Variants in FNDC3B observed in about 807,000 individuals in gnomAD.
The protein encoded by FNDC3B is fibronectin type III domain-containing protein 3B.
A neutral mutation model predicts 151.5 loss-of-function variants in FNDC3B; 12 were observed. The observed-to-expected ratio is 0.08, with a 90% CI of 0.05 to 0.13. The LOEUF (loss-of-function observed/expected upper bound fraction) is 0.13. Ranked by LOEUF, FNDC3B falls within the 10% of genes least tolerant of loss-of-function variation. The probability of loss-of-function intolerance (pLI) is 1.00; values close to 1 mark genes in which losing one functional copy is unlikely to be tolerated. For missense variants in FNDC3B, 1,214 were observed against 1,505.3 expected (o/e 0.81, Z 3.20); for synonymous variants, 528 against 549.0 (o/e 0.96, Z 0.54).
intron 24 of FNDC3B, among the ~76,000 whole-genome samples, chr3:172,379,770 G>T (rs888687562): frequency 6.6e-6 from 1 of 152,114 alleles, no homozygotes; most frequent in African/African-American, 2.4e-5. Flanking sequence ...CACTTCAGGG[G>T]TCTTTCTAGA....
At chr3:172,285,025 CT>C (rs1219501798) in intron 6 of FNDC3B, among the ~76,000 whole-genome samples, 1 of 152,008 alleles carries the variant, frequency 6.6e-6, no homozygotes, top group African/African-American at 2.4e-5. Context: ...TCCTTCCCCC[CT>C]CGTACTCTCT....
At chr3:172,319,952 GC>G (rs1392246192) in intron 11 of FNDC3B, among the ~76,000 whole-genome samples, 2 of 152,134 alleles carry the variant, frequency 1.3e-5, no homozygotes, top group East Asian at 3.9e-4. Context: ...GAATCCTTCA[GC>G]CCATGTCTGG....
At chr3:172,349,141 C>T (rs552420983) in intron 21 of FNDC3B, among the ~76,000 whole-genome samples, 22 of 150,890 alleles carry the variant, frequency 1.5e-4, no homozygotes, top group African/African-American at 4.4e-4. Context: ...AAAAAAAATA[C>T]AAAAATTAGC....
intron 21 of FNDC3B, 76 bp downstream of exon 21, chr3:172,347,437 G>C (rs1733667048): frequency 7.6e-6 from 9 of 1,183,794 alleles, no homozygotes; most frequent in Non-Finnish European, 1.0e-5. Flanking sequence ...CCCACTCAAA[G>C]GCTTGTGGTG....
chr3:172,174,582 T>G (rs73023564), intron 3 of FNDC3B, among the ~76,000 whole-genome samples: 4,555 of 152,238 alleles, frequency 0.03, 130 homozygotes, highest in African/African-American at 0.07. Flanking sequence ...ATCTTTGAAT[T>G]TGAAAGACTT....
At chr3:172,316,027 G>A (rs1214952903) in intron 11 of FNDC3B, among the ~76,000 whole-genome samples, 1 of 77,170 alleles carries the variant, frequency 1.3e-5, no homozygotes, top group Admixed American at 1.7e-4. Flanking sequence ...TTTTTTTTGA[G>A]ATGGAGTTTT....
intron 3 of FNDC3B, among the ~76,000 whole-genome samples, chr3:172,204,393 A>G (rs1394456400): frequency 6.6e-6 from 1 of 152,190 alleles, no homozygotes; most frequent in Non-Finnish European, 1.5e-5. Context: ...GCCTTGGCAA[A>G]TAGAATTGTG....
At chr3:172,124,798 T>G (rs1720728465) in intron 2 of FNDC3B, among the ~76,000 whole-genome samples, 1 of 152,246 alleles carries the variant, frequency 6.6e-6, no homozygotes, top group Admixed American at 6.5e-5. Flanking sequence ...TATCTCTTTC[T>G]TCCTGCCGAG....
rs1733251962 is a variant in FNDC3B, at chr3:172,340,557, AT to A, written c.1853-554del. 2.6e-5 allele frequency among the ~76,000 whole-genome samples: 4 copies of A among 152,202 alleles called. No individual in the cohort carries two copies. The South Asian group carries it at 8.3e-4, about 32-fold the overall frequency. On this transcript the variant is annotated intron_variant, in intron 16 of 25. Coordinates refer to ENST00000415807, the MANE Select transcript of FNDC3B (RefSeq NM_022763.4). ...CACCTCGGCCTCCTAAAGTGCTGGG[AT>A]TACAGGCGTGAGCCACCGCCTGTAA...
intron 6 of FNDC3B, among the ~76,000 whole-genome samples, chr3:172,271,790 T>C (rs1729213996): frequency 6.6e-6 from 1 of 152,224 alleles, no homozygotes; most frequent in Non-Finnish European, 1.5e-5. Flanking sequence ...CAGGCTCTGC[T>C]TTGAGAATTA....
chr3:172,172,202 G>A (rs1723317612), intron 3 of FNDC3B, among the ~76,000 whole-genome samples: 1 of 152,120 alleles, frequency 6.6e-6, no homozygotes, highest in African/African-American at 2.4e-5. Flanking sequence ...GTTTTCTAAA[G>A]CATCTCTCAA....
chr3:172,050,573 A>T (rs888508844), intron 1 of FNDC3B, among the ~76,000 whole-genome samples: 2 of 151,580 alleles, frequency 1.3e-5, no homozygotes, highest in Non-Finnish European at 2.9e-5. Flanking sequence ...TAGTAGAGAT[A>T]GGGTTTCACC....
chr3:172,316,219 TC>T (rs140240026), intron 11 of FNDC3B, among the ~76,000 whole-genome samples: 1,721 of 152,150 alleles, frequency 0.011, 37 homozygotes, highest in African/African-American at 0.039. Context: ...CAGGATGGTC[TC>T]CAACTCCTGA....
At chr3:172,139,877 C>A (rs939878552) in intron 3 of FNDC3B, among the ~76,000 whole-genome samples, 1 of 151,942 alleles carries the variant, frequency 6.6e-6, no homozygotes, top group Non-Finnish European at 1.5e-5. Context: ...CTCGTTGCAG[C>A]CTTGACCTCC....
At chr3:172,384,929 A>C (rs894002534) in intron 25 of FNDC3B, among the ~76,000 whole-genome samples, 1 of 152,252 alleles carries the variant, frequency 6.6e-6, no homozygotes, top group South Asian at 2.1e-4. Flanking sequence ...GTGAAAACAC[A>C]CAGTACTGCA....
intron 6 of FNDC3B, among the ~76,000 whole-genome samples, chr3:172,280,681 T>C (rs184876144): frequency 4.7e-4 from 71 of 152,252 alleles, no homozygotes; most frequent in African/African-American, 1.7e-3. Context: ...TGTGTAGCTC[T>C]ATTTCTTTTC....
Position 172,295,350 on chromosome 3 carries a change from T to G in FNDC3B, c.850-13T>G, listed in dbSNP as rs1730549621. 1.3e-6 allele frequency: 2 copies of G among 1,598,432 alleles called. No homozygotes were observed. The highest frequency in any genetic ancestry group is 2.2e-5 in the East Asian group (1 of 44,758). ...GGATTTGAATACTTTTGTCCCATGTTTTTCTTCCTCAGGTTTCTAATATTC... is the reference window on the plus strand; with the variant it reads ...GGATTTGAATACTTTTGTCCCATGTGTTTCTTCCTCAGGTTTCTAATATTC... On this transcript the variant is annotated splice_polypyrimidine_tract_variant and intron_variant, in intron 7 of 25. Coordinates refer to ENST00000415807, the MANE Select transcript of FNDC3B (RefSeq NM_022763.4).
chr3:172,313,524 C>T (rs35394365), intron 11 of FNDC3B, among the ~76,000 whole-genome samples: 15,613 of 152,230 alleles, frequency 0.1, 1,232 homozygotes, highest in East Asian at 0.3. Context: ...TTAATTATTT[C>T]AGCATTTATG....
chr3:172,248,563 A>G (rs377035679), intron 5 of FNDC3B, among the ~76,000 whole-genome samples: 4 of 152,050 alleles, frequency 2.6e-5, no homozygotes, highest in African/African-American at 9.7e-5. Context: ...TCTGAGTCTG[A>G]CTATGAATGG....
Sources: allele counts gnomAD v4.1 joint callset (sites outside exome capture counted in the v4.1 genomes callset), GRCh38; gene constraint gnomAD v4.1.1; transcripts MANE v1.5; gene names NCBI Gene and HGNC (gene_info 2026-07-23, HGNC 2026-07-21).